STXBP5L: variants seen among roughly 807,000 people sequenced by gnomAD.
STXBP5L encodes the protein syntaxin binding protein 5L.
A neutral mutation model predicts 144.5 loss-of-function variants in STXBP5L; 65 were observed. The observed-to-expected ratio is 0.45, with a 90% confidence interval of 0.37 to 0.55. STXBP5L has a LOEUF of 0.55. STXBP5L is among the 20% of genes least tolerant of loss of function. STXBP5L has a pLI of 0.00. For missense variants in STXBP5L, 1,298 were observed against 1,405.5 expected (o/e 0.92, Z 1.22); for synonymous variants, 505 against 469.6 (o/e 1.08, Z -0.97).
chr3:120,961,224 C>G (rs1559914589), intron 3 of STXBP5L, among the ~76,000 whole-genome samples: 1 of 140,572 alleles, frequency 7.1e-6, no homozygotes, highest in Admixed American at 7.2e-5. Flanking sequence ...TGATACATCT[C>G]TTTGTTCACT....
intron 9 of STXBP5L, among the ~76,000 whole-genome samples, chr3:121,185,386 G>C (rs2047334826): frequency 6.6e-6 from 1 of 152,180 alleles, no homozygotes; most frequent in Non-Finnish European, 1.5e-5. Flanking sequence ...CCTATGTCCT[G>C]AATGGTATTG....
chr3:121,062,726 A>G (rs1233519928), intron 5 of STXBP5L, among the ~76,000 whole-genome samples: 2 of 151,566 alleles, frequency 1.3e-5, no homozygotes, highest in Admixed American at 1.3e-4. Flanking sequence ...TTTTTTTCTA[A>G]TCTTGTCTTC....
At chr3:121,032,084 G>A (rs1278825124) in intron 3 of STXBP5L, among the ~76,000 whole-genome samples, 3 of 152,014 alleles carry the variant, frequency 2.0e-5, no homozygotes, top group Admixed American at 6.6e-5. Flanking sequence ...ATTCTGAGCT[G>A]CAGATAAAGA....
In STXBP5L at chr3:120,974,974, C is replaced by T. The variant is rs368068008; in HGVS notation, c.287+19937C>T. Reference sequence around the variant, plus strand: ...TGTAGTATAGTTTGAAGTCGGGTAGCGTGATGCCTCCAGCTTTGTTCTTTT... The same window carrying T: ...TGTAGTATAGTTTGAAGTCGGGTAGTGTGATGCCTCCAGCTTTGTTCTTTT... On this transcript the variant is annotated intron_variant, in intron 3 of 26. Transcript: ENST00000471454. 2.0e-3 allele frequency among the ~76,000 whole-genome samples: 305 copies of T among 152,156 alleles called. 2 individuals carry two copies. The Middle Eastern group carries it at 0.027, about 14-fold the overall frequency.
intron 20 of STXBP5L, among the ~76,000 whole-genome samples, chr3:121,353,726 T>A (rs1319623208): frequency 6.6e-6 from 1 of 152,186 alleles, no homozygotes; most frequent in Non-Finnish European, 1.5e-5. Context: ...TTCTGCTAGC[T>A]TTTGAATTTG....
At chr3:120,911,915 C>A (rs1415594326) in intron 2 of STXBP5L, among the ~76,000 whole-genome samples, 1 of 151,982 alleles carries the variant, frequency 6.6e-6, no homozygotes, top group Non-Finnish European at 1.5e-5. Flanking sequence ...TATTTAGACT[C>A]ATAGACTCCC....
intron 5 of STXBP5L, among the ~76,000 whole-genome samples, chr3:121,108,871 A>G (rs796207056): frequency 6.6e-6 from 1 of 152,122 alleles, no homozygotes; most frequent in Non-Finnish European, 1.5e-5. Context: ...TAGGCTATTT[A>G]CTACTGCCTC....
intron 2 of STXBP5L, chr3:120,924,998 C>G (rs186212531): frequency 6.6e-6 from 1 of 152,360 alleles, no homozygotes; most frequent in Non-Finnish European, 1.5e-5. Context: ...CGTGAGCCAC[C>G]GCTCCTGGCC....
At chr3:121,132,775 G>A (rs1032214373) in intron 7 of STXBP5L, among the ~76,000 whole-genome samples, 3 of 151,950 alleles carry the variant, frequency 2.0e-5, no homozygotes, top group Non-Finnish European at 4.4e-5. Context: ...AGAATTTTCA[G>A]GAAAGAGAAA....
chr3:121,340,732 C>A (rs552382305), intron 20 of STXBP5L, among the ~76,000 whole-genome samples: 1 of 151,872 alleles, frequency 6.6e-6, no homozygotes, highest in Admixed American at 6.6e-5. Flanking sequence ...ACTGGGTTTG[C>A]GGTGTGTAAA....
At chr3:121,128,702 G>A (rs193222874) in intron 7 of STXBP5L, among the ~76,000 whole-genome samples, 7 of 152,192 alleles carry the variant, frequency 4.6e-5, no homozygotes, top group Admixed American at 3.9e-4. Flanking sequence ...AATATACCAT[G>A]ATGTTTATAG....
intron 20 of STXBP5L, among the ~76,000 whole-genome samples, chr3:121,376,592 A>G (rs949411492): frequency 2.6e-5 from 4 of 152,072 alleles, no homozygotes; most frequent in African/African-American, 7.2e-5. Flanking sequence ...ACTGGTCTAT[A>G]TATCTGTTTT....
chr3:121,030,575 T>C (rs1946295184), intron 3 of STXBP5L, among the ~76,000 whole-genome samples: 2 of 152,088 alleles, frequency 1.3e-5, no homozygotes. Flanking sequence ...AAATACCTAA[T>C]GTAGATGATG....
intron 20 of STXBP5L, among the ~76,000 whole-genome samples, chr3:121,330,010 C>T (rs2044274231): frequency 6.6e-6 from 1 of 152,166 alleles, no homozygotes; most frequent in African/African-American, 2.4e-5. Context: ...AATAGCAAAA[C>T]ACTAATATTG....
intron 5 of STXBP5L, among the ~76,000 whole-genome samples, chr3:121,083,072 C>A (rs1278307228): frequency 6.6e-6 from 1 of 151,852 alleles, no homozygotes. Flanking sequence ...TGGTGGCGTG[C>A]TCTGTAGTCC....
At chr3:121,184,076 C>T (rs2047270558) in intron 9 of STXBP5L, among the ~76,000 whole-genome samples, 1 of 151,852 alleles carries the variant, frequency 6.6e-6, no homozygotes, top group African/African-American at 2.4e-5. Context: ...ACATCAAGGA[C>T]CAAAGGTAGA....
In STXBP5L at chr3:121,066,122, C is replaced by T. The variant is rs574119240; in HGVS notation, c.470+20587C>T. On this transcript the variant is annotated intron_variant, in intron 5 of 26. Transcript: ENST00000471454. ...GGAAATCACAGGTCCCGTGCACACT[C>T]AAGGGCAAGAATACTATGAGGTGGG... 2.0e-5 allele frequency among the ~76,000 whole-genome samples: 3 copies of T among 152,232 alleles called. No individual in the cohort carries two copies. In the South Asian group the frequency reaches 6.2e-4, roughly 32 times the overall value.
intron 5 of STXBP5L, among the ~76,000 whole-genome samples, chr3:121,053,254 T>A (rs2107600273): frequency 6.6e-6 from 1 of 152,272 alleles, no homozygotes; most frequent in Non-Finnish European, 1.5e-5. Flanking sequence ...TTAAAGTTCA[T>A]ATGGAGCCAA....
intron 3 of STXBP5L, among the ~76,000 whole-genome samples, chr3:121,005,158 T>A (rs9841029): frequency 0.099 from 15,120 of 152,202 alleles, 1,186 homozygotes; most frequent in Admixed American, 0.2. Flanking sequence ...CTGGTAGAAT[T>A]TGGCTGTGAA....
Sources: gnomAD v4.1 joint callset for allele counts (sites outside exome capture counted in the v4.1 genomes callset) on GRCh38, gnomAD v4.1.1 for gene constraint, MANE v1.5 for transcripts, NCBI Gene and HGNC (gene_info 2026-07-23, HGNC 2026-07-21) for gene names.